CBLB: variants seen among roughly 807,000 people sequenced by gnomAD.
The protein encoded by CBLB is E3 ubiquitin-protein ligase CBL-B.
A neutral mutation model predicts 104.9 loss-of-function variants in CBLB; 31 were observed. That is an observed-to-expected ratio of 0.30 (90% confidence interval 0.22 to 0.40). The LOEUF (loss-of-function observed/expected upper bound fraction) is 0.40. CBLB is among the 10% of genes least tolerant of loss of function. CBLB has a pLI of 1.00. For missense variants in CBLB, 1,062 were observed against 1,214.6 expected, an observed-to-expected ratio of 0.87 and a Z score of 1.87; for synonymous variants, 440 against 422.6, an observed-to-expected ratio of 1.04 and a Z score of -0.51.
intron 4 of CBLB, among the ~76,000 whole-genome samples, chr3:105,764,552 T>C (rs760331457): frequency 1.3e-5 from 2 of 152,166 alleles, no homozygotes; most frequent in African/African-American, 2.4e-5. Context: ...CTTTTCTCTC[T>C]CCCTCTCCTG....
intron 18 of CBLB, among the ~76,000 whole-genome samples, chr3:105,665,408 A>ATATATATAT (rs1553700056): frequency 1.9e-3 from 97 of 51,444 alleles, no homozygotes; most frequent in South Asian, 3.4e-3. Flanking sequence ...TAAATAAATA[A>ATATATATAT]ATAAATAAAT....
At chr3:105,787,443 T>C (rs1487549121) in intron 3 of CBLB, among the ~76,000 whole-genome samples, 1 of 152,182 alleles carries the variant, frequency 6.6e-6, no homozygotes, top group Non-Finnish European at 1.5e-5. Flanking sequence ...CCTTCTTCTA[T>C]AAAACCAGGG....
chr3:105,724,721 ATAGAT>A (rs2073362362), intron 9 of CBLB, among the ~76,000 whole-genome samples: 1 of 152,218 alleles, frequency 6.6e-6, no homozygotes, highest in Non-Finnish European at 1.5e-5. Flanking sequence ...ATCAATGTGC[ATAGAT>A]TAATCATAAC....
intron 2 of CBLB, among the ~76,000 whole-genome samples, chr3:105,865,230 T>C (rs184294176): frequency 1.2e-4 from 18 of 152,324 alleles, no homozygotes; most frequent in East Asian, 1.2e-3. Flanking sequence ...TACACACTTA[T>C]ATACTGCCAA....
At chr3:105,827,238 T>C (rs943343311) in intron 3 of CBLB, among the ~76,000 whole-genome samples, 1 of 149,808 alleles carries the variant, frequency 6.7e-6, no homozygotes, top group Non-Finnish European at 1.5e-5. Flanking sequence ...CCAGAGTAAA[T>C]GACGTAAGTA....
intron 3 of CBLB, among the ~76,000 whole-genome samples, chr3:105,805,058 T>C (rs2083336152): frequency 6.6e-6 from 1 of 152,164 alleles, no homozygotes; most frequent in African/African-American, 2.4e-5. Context: ...CAATAGCCCA[T>C]GGCCACCTAT....
chr3:105,861,740 A>C (rs1455667187), intron 2 of CBLB, among the ~76,000 whole-genome samples: 2 of 150,950 alleles, frequency 1.3e-5, no homozygotes, highest in Non-Finnish European at 3.0e-5. Flanking sequence ...GAGTTATTTC[A>C]ATGATGTTCA....
chr3:105,659,079 T>G lies in CBLB; in HGVS notation c.2840A>C (p.Glu947Ala), dbSNP rs1271249912. The G allele has an allele frequency of 6.2e-7, 1 of 1,614,038 alleles. No homozygotes were observed. ...TATCTCTAAGGCTCTCTTCACCTCT[T>G]CAAAGGCATAACCCTCTCCCATGAG... The part of the protein sequence containing the change: ...AKLMGEGYAF[E>A]EVKRALEIAQ... Residue 947 changes from glutamate to alanine, a missense_variant, in exon 19 of 19, where the codon GAA (glutamate) becomes GCA (alanine). Physicochemically the swap from Glu to Ala is moderately radical, Grantham distance 107 (BLOSUM62 -1). This residue lies in a region of CBLB where 605 missense variants were observed against 582.6 expected (regional missense o/e 1.04). Coordinates refer to ENST00000394030, the MANE Select transcript of CBLB (RefSeq NM_170662.5).
intron 3 of CBLB, among the ~76,000 whole-genome samples, chr3:105,815,706 C>T (rs572897919): frequency 1.3e-5 from 2 of 152,186 alleles, no homozygotes; most frequent in South Asian, 4.1e-4. Flanking sequence ...GGTATATACC[C>T]AAAGGATTAT....
chr3:105,683,248 G>T (rs16851436), intron 14 of CBLB, among the ~76,000 whole-genome samples: 1 of 152,094 alleles, frequency 6.6e-6, no homozygotes, highest in Non-Finnish European at 1.5e-5. Flanking sequence ...CACTTCTCCT[G>T]ATGTTCCAAA....
intron 3 of CBLB, among the ~76,000 whole-genome samples, chr3:105,834,176 T>TAAC (rs3049472): frequency 0.91 from 138,098 of 151,426 alleles, 63,267 homozygotes; most frequent in Non-Finnish European, 0.96. Context: ...TTCAAGAGGT[T>TAAC]AACAATGTAC....
At chr3:105,767,143 T>C (rs752494741) in intron 4 of CBLB, among the ~76,000 whole-genome samples, 58 of 152,194 alleles carry the variant, frequency 3.8e-4, no homozygotes, top group Non-Finnish European at 7.9e-4. Context: ...TAACTAGTGA[T>C]TCTTTGAATC....
chr3:105,691,823 C>G (rs1193118701), intron 13 of CBLB, among the ~76,000 whole-genome samples: 1 of 152,124 alleles, frequency 6.6e-6, no homozygotes, highest in Non-Finnish European at 1.5e-5. Context: ...TGAATGATGC[C>G]AAATTTCACA....
intron 3 of CBLB, chr3:105,839,555 A>G (rs566226274): frequency 1.0e-4 from 16 of 152,388 alleles, no homozygotes; most frequent in African/African-American, 3.8e-4. Flanking sequence ...GACTGTTATG[A>G]AAATGATATC....
intron 13 of CBLB, among the ~76,000 whole-genome samples, chr3:105,692,139 A>C (rs1024986995): frequency 6.6e-6 from 1 of 152,198 alleles, no homozygotes; most frequent in Non-Finnish European, 1.5e-5. Flanking sequence ...AGGAATGAAG[A>C]AGCTCTAAGA....
chr3:105,786,065 G>GGT lies in CBLB; in HGVS notation c.420-9524_420-9523insAC, dbSNP rs1553794736. On this transcript the variant is annotated intron_variant, in intron 3 of 18. Transcript: ENST00000394030. ...CATAACACTGTGTGAGAGGATCGGG[G>GGT]GGGGGAAAGTGGGTAAAATGAAAGT... Among the ~76,000 whole-genome samples the GGT allele has an allele frequency of 2.9e-5, 4 of 139,188 alleles. No homozygotes were observed. The East Asian group carries it at 6.2e-4, about 22-fold the overall frequency. 91.3% of individuals were successfully genotyped at this position (139,188 alleles called of 152,430 possible).
intron 3 of CBLB, among the ~76,000 whole-genome samples, chr3:105,829,923 G>T (rs1047142205): frequency 6.6e-6 from 1 of 151,828 alleles, no homozygotes; most frequent in African/African-American, 2.4e-5. Context: ...TAATTTAAGG[G>T]GATATCTCAT....
intron 2 of CBLB, among the ~76,000 whole-genome samples, chr3:105,862,345 C>T (rs533391139): frequency 9.9e-4 from 151 of 152,336 alleles, no homozygotes; most frequent in Non-Finnish European, 1.5e-3. Flanking sequence ...TTCCTTCTTA[C>T]GTTCCTTACC....
chr3:105,776,312 A>C, intron 4 of CBLB, 84 bp downstream of exon 4: 1 of 1,227,494 alleles, frequency 8.1e-7, no homozygotes, highest in Non-Finnish European at 1.2e-6. Context: ...CACTCAAGTA[A>C]AATATATACC....
Sources: allele counts gnomAD v4.1 joint callset (sites outside exome capture counted in the v4.1 genomes callset), GRCh38; gene constraint gnomAD v4.1.1; regional missense constraint gnomAD v4.1.1; transcripts MANE v1.5; gene names NCBI Gene and HGNC (gene_info 2026-07-23, HGNC 2026-07-21).